The following CCDC77 variants were observed in gnomAD, a reference collection of about 807,000 sequenced individuals.
The protein encoded by CCDC77 is coiled-coil domain containing 77.
In CCDC77, 56 loss-of-function variants were observed where a neutral mutation model predicts 66.8. That is an observed-to-expected ratio of 0.84 (90% CI 0.68 to 1.05). The LOEUF (loss-of-function observed/expected upper bound fraction) is 1.05. CCDC77 is among the 50% of genes least tolerant of loss of function. CCDC77 has a pLI of 0.00. For missense variants in CCDC77, 570 were observed against 576.8 expected (o/e 0.99, Z 0.12); for synonymous variants, 196 against 195.2 (o/e 1.00, Z -0.03).
chr12:442,634 C>T lies in CCDC77; in HGVS notation c.*714C>T, dbSNP rs921815725. ...ATTAACTATTTTCAATAAAATATTT[C>T]ACTCAAAAGATTTTCTTTGAGTTTT... On this transcript the variant is annotated 3_prime_UTR_variant, in exon 13 of 13. Coordinates refer to ENST00000239830, the MANE Select transcript of CCDC77 (RefSeq NM_032358.4). 6.6e-6 allele frequency: 1 copy of T among 152,174 alleles called. No homozygotes were observed. Among genetic ancestry groups the T allele is most frequent in the African/African-American group, 2.4e-5 (1 of 41,428 alleles). The allele number at this position is 152,174 out of a possible 1,614,324, so 9.4% of individuals were successfully genotyped here. A position where few individuals can be genotyped will look rare whatever the true frequency, so the allele number is the denominator to read the frequency against.
At chr12:396,595 T>C (rs1002392102) in intron 1 of CCDC77, among the ~76,000 whole-genome samples, 1 of 152,118 alleles carries the variant, frequency 6.6e-6, no homozygotes, top group Non-Finnish European at 1.5e-5. Context: ...CCCTAGCAGA[T>C]ACTGAGCAAG....
intron 10 of CCDC77, 80 bp downstream of exon 10, chr12:438,634 T>A (rs1391025530): frequency 9.2e-7 from 1 of 1,084,674 alleles, no homozygotes; most frequent in Non-Finnish European, 1.4e-6. Context: ...CAATTTGTAA[T>A]GTAAGATCCA....
At chr12:406,785 A>C (rs1472055047) in intron 2 of CCDC77, among the ~76,000 whole-genome samples, 1 of 152,202 alleles carries the variant, frequency 6.6e-6, no homozygotes, top group Non-Finnish European at 1.5e-5. Flanking sequence ...CGTCTCTACT[A>C]AAAATACAAA....
chr12:423,077 A>G (rs553058363), intron 5 of CCDC77, among the ~76,000 whole-genome samples: 8 of 146,954 alleles, frequency 5.4e-5, no homozygotes, highest in Non-Finnish European at 1.0e-4. Context: ...CACATCCTTG[A>G]CAATACCTGT....
At chr12:429,599 C>G (rs935593510) in intron 6 of CCDC77, among the ~76,000 whole-genome samples, 1 of 151,916 alleles carries the variant, frequency 6.6e-6, no homozygotes, top group East Asian at 1.9e-4. Flanking sequence ...GCTGGGACTA[C>G]AGGTGTACAC....
At chr12:423,097 T>C in intron 5 of CCDC77, among the ~76,000 whole-genome samples, 1 of 136,914 alleles carries the variant, frequency 7.3e-6, no homozygotes, top group East Asian at 2.0e-4. Flanking sequence ...TTATTTTCTT[T>C]TTTTTTTCTT....
intron 1 of CCDC77, among the ~76,000 whole-genome samples, chr12:395,711 T>G (rs1241659254): frequency 6.6e-6 from 1 of 152,024 alleles, no homozygotes. Flanking sequence ...GTGGCCAACA[T>G]GGCGAAGCCC....
In CCDC77 at chr12:438,802, T is replaced by C. The variant is rs541137181; in HGVS notation, c.1041+248T>C. 7.2e-5 allele frequency among the ~76,000 whole-genome samples: 11 copies of C among 152,120 alleles called. No homozygotes were observed. The East Asian group carries it at 2.1e-3, about 29-fold the overall frequency. The stretch of plus-strand genomic sequence containing the variant: ...TTGTACTCCTGGCCGGGCACAGTGG[T>C]TCACGCCTGTAATCCCAGCACTTTG... On this transcript the variant is annotated intron_variant, in intron 10 of 12. Transcript: ENST00000239830.
chr12:389,571 C>CG lies in CCDC77; in HGVS notation c.-113+85_-113+86insG, dbSNP rs57308009. 81 of 224,022 alleles carry CG rather than the reference C, an allele frequency of 3.6e-4. 2 individuals are homozygous for CG. Among genetic ancestry groups the CG allele is most frequent in the Middle Eastern group, 1.5e-3 (1 of 654 alleles). The allele number at this position is 224,022 out of a possible 1,614,324, so 13.9% of individuals were successfully genotyped here. On this transcript the variant is annotated intron_variant, in intron 1 of 11. Coordinates refer to the CCDC77 transcript ENST00000422000. ...CGACGGGGCGAGGCGGGGCGAGGCG[C>CG]AACGAGGCGGGGCGAGGCGCGACGC...
At chr12:415,304 TAATATTATGTTAATATAATC>T (rs749715753) in intron 4 of CCDC77, among the ~76,000 whole-genome samples, 7,769 of 115,604 alleles carry the variant, frequency 0.067, 816 homozygotes, top group Middle Eastern at 0.089. Flanking sequence ...ATAATCAACA[TAATATTATGTTAATATAATC>T]AACATAATAT....
At chr12:406,625 GAATACATTATAAGGGATGAGGTTGAA>G (rs1944995843) in intron 2 of CCDC77, among the ~76,000 whole-genome samples, 1 of 152,246 alleles carries the variant, frequency 6.6e-6, no homozygotes, top group South Asian at 2.1e-4. Context: ...AATGTGTTGA[GAATACATTATAAGGGATGAGGTTGAA>G]AATGGAACAG....
intron 5 of CCDC77, among the ~76,000 whole-genome samples, chr12:425,932 G>A (rs554910333): frequency 1.3e-5 from 2 of 152,118 alleles, no homozygotes; most frequent in East Asian, 1.9e-4. Context: ...TGGCGTGATC[G>A]CAGCTCACTG....
At chr12:413,000 G>A (rs747668587) in intron 4 of CCDC77, among the ~76,000 whole-genome samples, 6 of 151,334 alleles carry the variant, frequency 4.0e-5, no homozygotes, top group African/African-American at 9.7e-5. Context: ...GTGCAGTGGC[G>A]CGATCTCAGC....
intron 5 of CCDC77, among the ~76,000 whole-genome samples, chr12:427,132 CT>C (rs1945550166): frequency 6.6e-6 from 1 of 152,064 alleles, no homozygotes; most frequent in Non-Finnish European, 1.5e-5. Context: ...GTAGTCCCAG[CT>C]ACTCGGGAGG....
intron 5 of CCDC77, among the ~76,000 whole-genome samples, chr12:425,951 G>A (rs905086197): frequency 2.6e-5 from 4 of 152,090 alleles, no homozygotes; most frequent in South Asian, 2.1e-4. Flanking sequence ...TGCAACCTCC[G>A]CCTCCCAGAT....
chr12:425,839 C>G (rs1213965288), intron 5 of CCDC77, among the ~76,000 whole-genome samples: 2 of 152,032 alleles, frequency 1.3e-5, no homozygotes, highest in African/African-American at 4.8e-5. Flanking sequence ...GTAGCCAGAT[C>G]CAGATTCTTT....
At chr12:423,502 T>TTG (rs1281095563) in intron 5 of CCDC77, among the ~76,000 whole-genome samples, 13 of 100,740 alleles carry the variant, frequency 1.3e-4, no homozygotes, top group South Asian at 3.6e-4. Flanking sequence ...TTGTTTTTTT[T>TTG]TTTTTTTTTT....
chr12:394,522 G>T (rs1433526409), intron 1 of CCDC77, among the ~76,000 whole-genome samples: 1 of 152,190 alleles, frequency 6.6e-6, no homozygotes, highest in Non-Finnish European at 1.5e-5. Context: ...ATGTCAAAGT[G>T]AACATGGCAA....
At chr12:389,637 C>T (rs1389813356) in intron 1 of CCDC77, 1 of 180,156 alleles carries the variant, frequency 5.6e-6, no homozygotes, top group African/African-American at 2.7e-5. Flanking sequence ...TGTGTAATGC[C>T]CCAGAGGGCA....
Sources: gnomAD v4.1 joint callset for allele counts (sites outside exome capture counted in the v4.1 genomes callset) on GRCh38, gnomAD v4.1.1 for gene constraint, MANE v1.5 for transcripts, NCBI Gene and HGNC (gene_info 2026-07-23, HGNC 2026-07-21) for gene names.